POR: variants seen among roughly 807,000 people sequenced by gnomAD.
POR encodes NADPH--cytochrome P450 reductase.
A neutral mutation model predicts 84.0 loss-of-function variants in POR; 56 were observed. The observed-to-expected ratio is 0.67, with a 90% CI of 0.54 to 0.83. The LOEUF is 0.83. Among genes scored for constraint, POR ranks in the 40% least tolerant of loss-of-function variants. The pLI is 0.00. For synonymous variants in POR, 414 were observed against 400.5 expected (o/e 1.03, Z -0.40); for missense variants, 938 against 944.3 (o/e 0.99, Z 0.09).
chr7:75,935,892 A>G (rs1485651338), intron 1 of POR, among the ~76,000 whole-genome samples: 1 of 151,482 alleles, frequency 6.6e-6, no homozygotes, highest in Non-Finnish European at 1.5e-5. Flanking sequence ...AGCGCATTCT[A>G]TGTTCAGACT....
At chr7:75,952,649 G>A (rs1563413706) in intron 1 of POR, among the ~76,000 whole-genome samples, 1 of 150,944 alleles carries the variant, frequency 6.6e-6, no homozygotes, top group East Asian at 2.0e-4. Flanking sequence ...AGATGGGGTC[G>A]CGGCCGGGCA....
At position 75,979,896 on chromosome 7, in the gene POR, CCTT is replaced by C. The variant is rs1336769285; in HGVS notation, c.366+319_366+321del. On this transcript the variant is annotated intron_variant, in intron 4 of 15. Coordinates refer to ENST00000461988, the MANE Select transcript of POR (RefSeq NM_000941.3). Reference sequence around the variant, plus strand: ...CTCCCCAGCTGCTCCACTCCCCTCTCCTTCGAGGTCTTGGTGACGGGCACTACC... The same window carrying C: ...CTCCCCAGCTGCTCCACTCCCCTCTCCGAGGTCTTGGTGACGGGCACTACC... 2.3e-5 allele frequency: 9 copies of C among 386,824 alleles called. No homozygotes were observed. The Admixed American group carries it at 3.5e-4, about 15-fold the overall frequency. The allele number at this position is 386,824 out of a possible 1,614,324, so 24.0% of individuals were successfully genotyped here.
intron 2 of POR, among the ~76,000 whole-genome samples, chr7:75,962,254 C>G (rs1554554618): frequency 1.3e-5 from 2 of 152,096 alleles, no homozygotes; most frequent in African/African-American, 4.8e-5. Flanking sequence ...TGGGAGAGGT[C>G]AGGTATATTC....
At chr7:75,972,886 A>T in intron 3 of POR, 1 of 247,100 alleles carries the variant, frequency 4.0e-6, no homozygotes, top group East Asian at 1.1e-4. Context: ...GCAGTGGCGC[A>T]ATCTCGGTTC....
At chr7:75,949,107 G>A (rs1554552432) in intron 1 of POR, among the ~76,000 whole-genome samples, 2 of 152,118 alleles carry the variant, frequency 1.3e-5, no homozygotes. Flanking sequence ...GATCGTATGG[G>A]CCTTATGAGC....
At chr7:75,955,512 G>A (rs1787647891) in intron 2 of POR, among the ~76,000 whole-genome samples, 1 of 152,176 alleles carries the variant, frequency 6.6e-6, no homozygotes, top group South Asian at 2.1e-4. Context: ...GACTCCAGGG[G>A]CCCGCAGCCA....
At chr7:75,964,601 C>T (rs1397665267) in intron 2 of POR, among the ~76,000 whole-genome samples, 1 of 152,198 alleles carries the variant, frequency 6.6e-6, no homozygotes, top group East Asian at 1.9e-4. Context: ...AGCCACCGCA[C>T]CAGGCCAGCA....
At chr7:75,963,429 C>T (rs1376135039) in intron 2 of POR, among the ~76,000 whole-genome samples, 1 of 152,214 alleles carries the variant, frequency 6.6e-6, no homozygotes, top group East Asian at 1.9e-4. Context: ...TCCTTCCTTT[C>T]CTGGTCCCTG....
intron 1 of POR, among the ~76,000 whole-genome samples, chr7:75,952,490 T>C (rs1585104015): frequency 6.8e-6 from 1 of 147,434 alleles, no homozygotes. Flanking sequence ...CCGGACGGGG[T>C]GGCTGCTGGG....
chr7:75,948,435 C>A (rs1305646847), intron 1 of POR, among the ~76,000 whole-genome samples: 4 of 152,178 alleles, frequency 2.6e-5, no homozygotes, highest in Admixed American at 2.0e-4. Context: ...AGCTCCTGTT[C>A]GTTTCCTTCG....
At position 75,981,497 on chromosome 7, in the gene POR, C is replaced by A. The variant is rs368640263; in HGVS notation, c.642-20C>A. ...ATGGGCCTCCCCTGAGCCGCTCCCC[C>A]TCTCCTCTCCTCGGCCCAGCTTGGA... On this transcript the variant is annotated intron_variant, in intron 6 of 15. Transcript: ENST00000461988. 10 of 1,602,842 alleles carry A rather than the reference C, an allele frequency of 6.2e-6. No homozygotes were observed. The highest frequency in any genetic ancestry group is 5.4e-5 in the African/African-American group (4 of 74,748).
At chr7:75,967,884 C>T in intron 2 of POR, 1 of 365,468 alleles carries the variant, frequency 2.7e-6, no homozygotes, top group Non-Finnish European at 5.5e-6. Flanking sequence ...CAGACGCAGG[C>T]AGGAGCTCAG....
intron 1 of POR, among the ~76,000 whole-genome samples, chr7:75,929,360 T>C (rs1412524187): frequency 6.6e-6 from 1 of 151,924 alleles, no homozygotes; most frequent in Non-Finnish European, 1.5e-5. Context: ...GCCTCCTGGG[T>C]TCAAGTGATT....
At position 75,930,496 on chromosome 7, in the gene POR, A is replaced by AAAAT. The variant is rs531578812; in HGVS notation, c.-5+15330_-5+15333dup. Among the ~76,000 whole-genome samples the AAAAT allele has an allele frequency of 3.4e-4, 52 of 152,220 alleles. No individual in the cohort carries two copies. The East Asian group carries it at 8.5e-3, about 25-fold the overall frequency. ...GACCCTGTCTAAAAATAAATAAAAT[A>AAAAT]AAATAAATAAATAAATGTAAACAAG... On this transcript the variant is annotated intron_variant, in intron 1 of 15. Transcript: ENST00000461988.
intron 1 of POR, among the ~76,000 whole-genome samples, chr7:75,941,571 T>C (rs187798111): frequency 6.6e-6 from 1 of 152,304 alleles, no homozygotes; most frequent in Non-Finnish European, 1.5e-5. Context: ...TAATAACTTA[T>C]TTCTTGTCAG....
intron 1 of POR, among the ~76,000 whole-genome samples, chr7:75,939,998 T>C (rs1807895098): frequency 6.6e-6 from 1 of 151,830 alleles, no homozygotes; most frequent in South Asian, 2.1e-4. Context: ...CCTGCAGGGC[T>C]CAAGTGATCT....
At chr7:75,927,145 C>CT (rs1807170138) in intron 1 of POR, among the ~76,000 whole-genome samples, 1 of 152,178 alleles carries the variant, frequency 6.6e-6, no homozygotes, top group South Asian at 2.1e-4. Flanking sequence ...GGACAAGGTC[C>CT]TTTAACCTTT....
At position 75,980,503 on chromosome 7, in the gene POR, G is replaced by A. The variant is rs1554557580; in HGVS notation, c.516+15G>A. On this transcript the variant is annotated intron_variant, in intron 5 of 15. Coordinates refer to ENST00000461988, the MANE Select transcript of POR (RefSeq NM_000941.3). ...TCAAGTTCGCGGTGAGTCACCCAGAGACTGCTATGGGCTCCCGGTGGCCTG... is the reference window on the plus strand; with the variant it reads ...TCAAGTTCGCGGTGAGTCACCCAGAAACTGCTATGGGCTCCCGGTGGCCTG... 2 of 1,612,796 alleles carry A rather than the reference G, an allele frequency of 1.2e-6. No individual in the cohort carries two copies. Among genetic ancestry groups the A allele is most frequent in the Non-Finnish European group, 1.7e-6 (2 of 1,179,832 alleles).
Position 75,986,042 on chromosome 7 carries a change from G to C in POR, c.1789G>C (p.Ala597Pro). 6.4e-7 allele frequency: 1 copy of C among 1,560,256 alleles called. No homozygotes were observed. The highest frequency in any genetic ancestry group is 8.7e-7 in the Non-Finnish European group (1 of 1,153,078). ...CGGTGCGCTCACCCAGCTCAACGTGGCCTTCTCCCGGGAGCAGTCCCACAA... is the reference window on the plus strand; with the variant it reads ...CGGTGCGCTCACCCAGCTCAACGTGCCCTTCTCCCGGGAGCAGTCCCACAA... Residue 597 changes from alanine (A) to proline (P), a missense_variant, in exon 14 of 16, where the codon GCC (alanine) becomes CCC (proline). Transcript: ENST00000461988.
Sources: gnomAD v4.1 joint callset for allele counts (sites outside exome capture counted in the v4.1 genomes callset) on GRCh38, gnomAD v4.1.1 for gene constraint, MANE v1.5 for transcripts, NCBI Gene and HGNC (gene_info 2026-07-23, HGNC 2026-07-21) for gene names.